The following SLC31A1 variants were observed in gnomAD, a reference collection of about 807,000 sequenced individuals.
SLC31A1 encodes high affinity copper uptake protein 1.
A neutral mutation model predicts 17.2 loss-of-function variants in SLC31A1; 5 were observed. The ratio of observed to expected loss-of-function variants is 0.29; its 90% CI spans 0.15 to 0.61. The LOEUF is 0.61. Among genes scored for constraint, SLC31A1 ranks in the 20% least tolerant of loss-of-function variants. The probability of loss-of-function intolerance (pLI) is 0.86; values close to 1 mark genes in which losing one functional copy is unlikely to be tolerated. For synonymous variants in SLC31A1, 76 were observed against 78.8 expected (o/e 0.96, Z 0.19); for missense variants, 161 against 241.4 (o/e 0.67, Z 2.21).
chr9:113,251,404 A>C (rs1181565982), intron 1 of SLC31A1, among the ~76,000 whole-genome samples: 1 of 152,170 alleles, frequency 6.6e-6, no homozygotes, highest in Non-Finnish European at 1.5e-5. Flanking sequence ...CCTGGGTGAC[A>C]GAGTGAGACT....
chr9:113,227,119 G>A (rs1314550992), intron 1 of SLC31A1, among the ~76,000 whole-genome samples: 1 of 152,062 alleles, frequency 6.6e-6, no homozygotes, highest in East Asian at 1.9e-4. Context: ...TGAGTTCCTT[G>A]AAATTGCATA....
chr9:113,238,858 G>A (rs893654590), intron 1 of SLC31A1, among the ~76,000 whole-genome samples: 4 of 152,176 alleles, frequency 2.6e-5, no homozygotes, highest in African/African-American at 7.2e-5. Flanking sequence ...AGTCGAGTTT[G>A]TTTAGATCAC....
intron 1 of SLC31A1, among the ~76,000 whole-genome samples, chr9:113,253,472 C>G (rs538741248): frequency 6.6e-6 from 1 of 150,878 alleles, no homozygotes; most frequent in East Asian, 1.9e-4. Flanking sequence ...GACAAAGACT[C>G]TGTTTTATAT....
At chr9:113,227,376 T>A (rs951879820) in intron 1 of SLC31A1, 2 of 152,098 alleles carry the variant, frequency 1.3e-5, no homozygotes, top group African/African-American at 4.8e-5. Context: ...TCTCAGCCTT[T>A]CGAGTAGCCG....
chr9:113,247,110 G>A (rs1831589550), intron 1 of SLC31A1, among the ~76,000 whole-genome samples: 1 of 152,164 alleles, frequency 6.6e-6, no homozygotes, highest in African/African-American at 2.4e-5. Flanking sequence ...TTATGGTAGT[G>A]TACTGTCTTT....
intron 1 of SLC31A1, among the ~76,000 whole-genome samples, chr9:113,222,336 G>T (rs1831289543): frequency 6.6e-6 from 1 of 152,178 alleles, no homozygotes; most frequent in Admixed American, 6.5e-5. Flanking sequence ...TTTGGCGTGG[G>T]TTTCCCTGGG....
At chr9:113,257,828 A>T (rs1831745376) in intron 3 of SLC31A1, among the ~76,000 whole-genome samples, 1 of 152,210 alleles carries the variant, frequency 6.6e-6, no homozygotes. Flanking sequence ...AGTCCTGGAC[A>T]TAAGACTAAC....
At chr9:113,224,236 G>A (rs1182965858) in intron 1 of SLC31A1, among the ~76,000 whole-genome samples, 1 of 152,120 alleles carries the variant, frequency 6.6e-6, no homozygotes, top group Non-Finnish European at 1.5e-5. Context: ...TTTACTTTTG[G>A]CCCTTTATAG....
intron 1 of SLC31A1, among the ~76,000 whole-genome samples, chr9:113,226,014 G>T (rs542757117): frequency 6.6e-6 from 1 of 151,976 alleles, no homozygotes; most frequent in African/African-American, 2.4e-5. Flanking sequence ...GGCACCTGTA[G>T]TCCCAGCTAC....
At chr9:113,233,736 A>G (rs1046002270) in intron 1 of SLC31A1, among the ~76,000 whole-genome samples, 12 of 152,210 alleles carry the variant, frequency 7.9e-5, no homozygotes, top group Admixed American at 2.6e-4. Context: ...TGGAATTTCA[A>G]AATAAACAAA....
At chr9:113,253,945 T>A (rs891021894) in intron 1 of SLC31A1, among the ~76,000 whole-genome samples, 29 of 145,820 alleles carry the variant, frequency 2.0e-4, no homozygotes, top group Admixed American at 3.5e-4. Flanking sequence ...TATATAAATT[T>A]CCTACCCACA....
At chr9:113,253,062 T>C (rs1016808599) in intron 1 of SLC31A1, among the ~76,000 whole-genome samples, 2 of 149,866 alleles carry the variant, frequency 1.3e-5, no homozygotes, top group Non-Finnish European at 3.0e-5. Flanking sequence ...CACGCCATTC[T>C]CCTACCTCAG....
chr9:113,244,155 CAAAAA>C (rs1200835310), intron 1 of SLC31A1, among the ~76,000 whole-genome samples: 1 of 41,308 alleles, frequency 2.4e-5, no homozygotes, highest in African/African-American at 9.8e-5. Context: ...AACTCCATCT[CAAAAA>C]AAAAAAAAAA....
At chr9:113,228,030 CAT>C (rs1391207485) in intron 1 of SLC31A1, among the ~76,000 whole-genome samples, 1 of 152,196 alleles carries the variant, frequency 6.6e-6, no homozygotes, top group African/African-American at 2.4e-5. Flanking sequence ...AAGTATTTAA[CAT>C]ATTTTATTTG....
rs561078456 is a variant in SLC31A1 at position 113,260,578 on chromosome 9, C to T, written c.*105C>T. ...ATCCCTTCTTGCTCCTCTTTGTGCA[C>T]GTACACACACACACACACACACACA... On this transcript the variant is annotated 3_prime_UTR_variant, in exon 5 of 5. Coordinates refer to ENST00000374212, the MANE Select transcript of SLC31A1 (RefSeq NM_001859.4). 5.5e-4 allele frequency: 415 copies of T among 748,078 alleles called. 8 individuals carry two copies. The highest frequency in any genetic ancestry group is 5.3e-3 in the South Asian group (361 of 68,330). The allele number at this position is 748,078 out of a possible 1,614,324, so 46.3% of individuals were successfully genotyped here.
At position 113,258,710 on chromosome 9, in the gene SLC31A1, T is replaced by C; in HGVS notation, c.219T>C (p.Phe73=). Residue 73 remains phenylalanine (F), a synonymous_variant, in exon 4 of 5, where the codon TTT becomes TTC. Coordinates refer to ENST00000374212, the MANE Select transcript of SLC31A1 (RefSeq NM_001859.4). This position sits in a 1 kb window ranked among gnomAD's most constrained non-coding sequence, Gnocchi z 4.8. ...CATACTTAGAAATGGCTGGAGCTTT[T>C]GTGGCAGTGTTTTTACTAGCAATGT... The part of the protein sequence containing the change: ...INTAGEMAGA[F]VAVFLLAMFY... The C allele has an allele frequency of 6.2e-7, 1 of 1,614,232 alleles. No individual in the cohort carries two copies. Among genetic ancestry groups the C allele is most frequent in the Non-Finnish European group, 8.5e-7 (1 of 1,180,032 alleles).
intron 1 of SLC31A1, among the ~76,000 whole-genome samples, chr9:113,252,864 G>GA (rs1444306367): frequency 5.3e-5 from 8 of 151,936 alleles, no homozygotes; most frequent in Admixed American, 5.3e-4. Context: ...CATTGGAAGA[G>GA]AACAGTATTT....
rs1831824041 is a variant in SLC31A1 at position 113,264,021 on chromosome 9, C to T, written c.*3548C>T. On this transcript the variant is annotated 3_prime_UTR_variant, in exon 5 of 5. Coordinates refer to ENST00000374212, the MANE Select transcript of SLC31A1 (RefSeq NM_001859.4). ...TCTCCAGCTGCTCCTTCAAAAGATA[C>T]ATCAAAAGATAGAAACTCTGGGCTG... The T allele has an allele frequency of 6.6e-6, 1 of 152,242 alleles. No homozygotes were observed. The highest frequency in any genetic ancestry group is 6.6e-5 in the Admixed American group (1 of 15,250). The allele number at this position is 152,242 out of a possible 1,614,324, so 9.4% of individuals were successfully genotyped here.
chr9:113,225,719 C>T (rs535584800), intron 1 of SLC31A1, among the ~76,000 whole-genome samples: 5 of 152,318 alleles, frequency 3.3e-5, no homozygotes, highest in African/African-American at 1.2e-4. Context: ...TCTTTCTCTA[C>T]CTCTTTTGTC....
Sources: gnomAD v4.1 joint callset for allele counts (sites outside exome capture counted in the v4.1 genomes callset) on GRCh38, gnomAD v4.1.1 for gene constraint, Gnocchi (gnomAD v3.1) non-coding constraint, MANE v1.5 for transcripts, NCBI Gene and HGNC (gene_info 2026-07-23, HGNC 2026-07-21) for gene names.